RNF141: variants seen among roughly 807,000 people sequenced by gnomAD.
The protein encoded by RNF141 is ring finger protein 141.
In RNF141, 18 loss-of-function variants were observed where a neutral mutation model predicts 27.4. The ratio of observed to expected loss-of-function variants is 0.66; its 90% CI spans 0.45 to 0.97. RNF141 has a LOEUF of 0.97. RNF141 is among the 50% of genes least tolerant of loss of function. RNF141 has a pLI of 0.00. For missense variants in RNF141, 230 were observed against 279.4 expected, an observed-to-expected ratio of 0.82 and a Z score of 1.26; for synonymous variants, 97 against 96.6, an observed-to-expected ratio of 1.00 and a Z score of -0.02.
intron 4 of RNF141, among the ~76,000 whole-genome samples, chr11:10,523,378 T>A (rs1177906288): frequency 6.6e-6 from 1 of 152,244 alleles, no homozygotes; most frequent in Non-Finnish European, 1.5e-5. Context: ...CTTAGCTAAA[T>A]CTCAGATTCT....
chr11:10,539,603 T>C (rs976419886), intron 1 of RNF141, among the ~76,000 whole-genome samples: 1 of 138,804 alleles, frequency 7.2e-6, no homozygotes, highest in Non-Finnish European at 1.6e-5. Flanking sequence ...TTAATATAGA[T>C]ACATAGTGAA....
chr11:10,540,811 T>C (rs960959242), intron 1 of RNF141: 1 of 152,184 alleles, frequency 6.6e-6, no homozygotes, highest in Non-Finnish European at 1.5e-5. Flanking sequence ...GCGGCAATAT[T>C]CAAACAACCG....
intron 4 of RNF141, among the ~76,000 whole-genome samples, chr11:10,523,771 T>G (rs1161445436): frequency 6.6e-6 from 1 of 152,230 alleles, no homozygotes; most frequent in Non-Finnish European, 1.5e-5. Flanking sequence ...TCTTTTCATG[T>G]GCTACCATAC....
chr11:10,528,748 G>C (rs1260331146), intron 3 of RNF141, among the ~76,000 whole-genome samples: 2 of 152,118 alleles, frequency 1.3e-5, no homozygotes, highest in Admixed American at 1.3e-4. Flanking sequence ...TATTTCAACA[G>C]ATTTTTTTTG....
chr11:10,539,687 C>CATATATATATATATATATATATATATAT lies in RNF141; in HGVS notation c.-48+1434_-48+1435insATATATATATATATATATATATATATAT, dbSNP rs1330301830. ...CAAAGATCTTGATCAGAAAAAGATA[C>CATATATATATATATATATATATATATAT]ATACATATATATTAGAGAGAGAAGG... On this transcript the variant is annotated intron_variant, in intron 1 of 5. Coordinates refer to ENST00000265981, the MANE Select transcript of RNF141 (RefSeq NM_016422.4). 1.8e-3 allele frequency among the ~76,000 whole-genome samples: 92 copies of CATATATATATATATATATATATATATAT among 50,836 alleles called. 1 individual carries two copies. The highest frequency in any genetic ancestry group is 2.1e-3 in the Non-Finnish European group (56 of 26,276). The allele number at this position is 50,836 out of a possible 152,430, so 33.4% of individuals were successfully genotyped here.
At chr11:10,523,357 C>T (rs1465421007) in intron 4 of RNF141, among the ~76,000 whole-genome samples, 4 of 152,238 alleles carry the variant, frequency 2.6e-5, no homozygotes, top group Non-Finnish European at 5.9e-5. Context: ...AATTTCTAAT[C>T]ATGACACTTA....
In RNF141 at chr11:10,534,167, G is replaced by T; in HGVS notation, c.-9C>A. ...GAAATTTGCTGTCCCATGATGAAAA[G>T]ATGTCTTTCAAAATCCAGAGTGTTG... On this transcript the variant is annotated 5_prime_UTR_variant, in exon 2 of 6. Coordinates refer to ENST00000265981, the MANE Select transcript of RNF141 (RefSeq NM_016422.4). 6.2e-7 allele frequency: 1 copy of T among 1,610,566 alleles called. No homozygotes were observed.
intron 1 of RNF141, among the ~76,000 whole-genome samples, chr11:10,538,571 A>C (rs919919268): frequency 1.3e-4 from 20 of 152,328 alleles, no homozygotes; most frequent in Admixed American, 1.2e-3. Flanking sequence ...ATTTCCCTCT[A>C]GTGAGCTTCT....
intron 5 of RNF141, chr11:10,516,641 G>T (rs142974980): frequency 6.6e-6 from 1 of 152,200 alleles, no homozygotes; most frequent in South Asian, 2.1e-4. Context: ...AGACACTACC[G>T]AGGCTGAACA....
chr11:10,525,033 G>A (rs143308426), intron 4 of RNF141, among the ~76,000 whole-genome samples, 159 bp downstream of exon 4: 4 of 150,148 alleles, frequency 2.7e-5, no homozygotes, highest in South Asian at 2.1e-4. Context: ...AACAACATCC[G>A]AAGCACAGAA....
intron 2 of RNF141, among the ~76,000 whole-genome samples, chr11:10,533,337 C>T (rs7936626): frequency 0.2 from 29,854 of 151,780 alleles, 3,876 homozygotes; most frequent in African/African-American, 0.36. Context: ...AAATAGAAGA[C>T]TAAGTTGTAT....
In RNF141 at chr11:10,534,050, C is replaced by A. The variant is rs149870408; in HGVS notation, c.109G>T (p.Glu37Ter). 6.2e-7 allele frequency: 1 copy of A among 1,613,526 alleles called. No individual in the cohort carries two copies. The highest frequency in any genetic ancestry group is 8.5e-7 in the Non-Finnish European group (1 of 1,179,660). The change falls in exon 2 of 6, where the codon GAA becomes TAA. Residue 37 changes from glutamate (E) to a stop codon, truncating the protein, a stop_gained. Transcript: ENST00000265981. LOFTEE classifies it high-confidence loss of function. ...VRESGSLTYEEFLGRVAELND... is the reference protein window; with the variant it reads ...VRESGSLTYE ...AGCTCAGCTACTCTCCCAAGAAATT[C>A]TTCATAAGTTAAGGAGCCACTCTCT... is the stretch of plus-strand genomic sequence containing the variant.
intron 3 of RNF141, among the ~76,000 whole-genome samples, chr11:10,527,927 T>C (rs1849952229): frequency 6.6e-6 from 1 of 152,092 alleles, no homozygotes; most frequent in Non-Finnish European, 1.5e-5. Flanking sequence ...TTGTCAGGTG[T>C]GAGAGACAAA....
At chr11:10,523,601 G>A (rs1261959769) in intron 4 of RNF141, among the ~76,000 whole-genome samples, 3 of 152,138 alleles carry the variant, frequency 2.0e-5, no homozygotes, top group Non-Finnish European at 4.4e-5. Flanking sequence ...GTGAACTAGT[G>A]TATAAGGGTA....
At chr11:10,529,384 G>A (rs1003450899) in intron 3 of RNF141, among the ~76,000 whole-genome samples, 4 of 152,182 alleles carry the variant, frequency 2.6e-5, no homozygotes, top group Non-Finnish European at 5.9e-5. Flanking sequence ...GGAATTTTCC[G>A]TGACTTCCTA....
chr11:10,529,578 T>G lies in RNF141; in HGVS notation c.252+1065A>C, dbSNP rs530610917. Among the ~76,000 whole-genome samples the G allele has an allele frequency of 9.7e-4, 147 of 152,288 alleles. 2 individuals are homozygous for G. The highest frequency in any genetic ancestry group is 3.3e-3 in the African/African-American group (136 of 41,564). ...GTCATATTGTAGGAGTTGGGACTAT[T>G]TGGTAGGCAAGAAGGAATTACTGAG... On this transcript the variant is annotated intron_variant, in intron 3 of 5. Transcript: ENST00000265981.
chr11:10,524,007 A>G (rs575047443), intron 4 of RNF141, among the ~76,000 whole-genome samples: 2 of 152,362 alleles, frequency 1.3e-5, no homozygotes, highest in Admixed American at 1.3e-4. Flanking sequence ...AATTCTATTA[A>G]AGATAATTGG....
At chr11:10,518,053 C>T (rs986688461) in intron 5 of RNF141, among the ~76,000 whole-genome samples, 2 of 152,070 alleles carry the variant, frequency 1.3e-5, no homozygotes, top group African/African-American at 4.8e-5. Flanking sequence ...GAGAAATATA[C>T]AGCGTATGTG....
Position 10,513,685 on chromosome 11 carries a change from GTGT to G in RNF141, c.*1228_*1230del. The G allele has an allele frequency of 9.2e-6, 1 of 109,028 alleles. No individual in the cohort carries two copies. The highest frequency in any genetic ancestry group is 8.3e-5 in the Admixed American group (1 of 12,000). 6.8% of individuals were successfully genotyped at this position (109,028 alleles called of 1,614,324 possible). A position where few individuals can be genotyped will look rare whatever the true frequency, so the allele number is the denominator to read the frequency against. On this transcript the variant is annotated 3_prime_UTR_variant, in exon 6 of 6. Coordinates refer to ENST00000265981, the MANE Select transcript of RNF141 (RefSeq NM_016422.4). ...TAAAAAAGCCTCACTCTATTTTCTT[GTGT>G]TTTTTTTTTGATTAGGAGTCTCGTT...
Sources: gnomAD v4.1 joint callset for allele counts (sites outside exome capture counted in the v4.1 genomes callset) on GRCh38, gnomAD v4.1.1 for gene constraint, MANE v1.5 for transcripts, NCBI Gene and HGNC (gene_info 2026-07-23, HGNC 2026-07-21) for gene names.